Variants in PRKG1 observed in about 807,000 individuals in gnomAD.
The protein encoded by PRKG1 is protein kinase cGMP-dependent 1.
A neutral mutation model predicts 88.1 loss-of-function variants in PRKG1; 35 were observed. The observed-to-expected ratio is 0.40, with a 90% CI of 0.30 to 0.53. PRKG1 has a LOEUF of 0.53. PRKG1 is among the 20% of genes least tolerant of loss of function. The pLI is 0.59. For synonymous variants in PRKG1, 303 were observed against 292.5 expected (o/e 1.04, Z -0.37); for missense variants, 540 against 839.8 (o/e 0.64, Z 4.41).
rs534970692 is a variant in PRKG1, at chr10:51,440,666, A to G, written c.479-27057A>G. Among the ~76,000 whole-genome samples the G allele has an allele frequency of 2.0e-5, 3 of 152,064 alleles. No individual in the cohort carries two copies. In the East Asian group the frequency reaches 5.8e-4, roughly 30 times the overall value. The stretch of plus-strand genomic sequence containing the variant: ...GTTTGTGATCATTATAAATTCTGTC[A>G]TGGTAACTTTAGTGTAGGGTGTTGC... On this transcript the variant is annotated intron_variant, in intron 2 of 17. Coordinates refer to ENST00000373980, the MANE Select transcript of PRKG1 (RefSeq NM_006258.4).
intron 3 of PRKG1, among the ~76,000 whole-genome samples, chr10:51,685,155 G>A (rs1840955422): frequency 6.6e-6 from 1 of 152,114 alleles, no homozygotes; most frequent in Admixed American, 6.5e-5. Context: ...CCTCAGTGTG[G>A]ATACTGTTCG....
chr10:51,427,207 G>C (rs1399419118), intron 2 of PRKG1, among the ~76,000 whole-genome samples: 1 of 152,160 alleles, frequency 6.6e-6, no homozygotes, highest in Non-Finnish European at 1.5e-5. Context: ...GATACAAAAA[G>C]AGAAGAAGGG....
At chr10:51,032,906 C>T (rs1394724981) in intron 1 of PRKG1, among the ~76,000 whole-genome samples, 1 of 151,770 alleles carries the variant, frequency 6.6e-6, no homozygotes, top group Non-Finnish European at 1.5e-5. Flanking sequence ...TTTGGGGGTA[C>T]ATGAGATGTT....
chr10:51,775,112 C>T (rs1178178453), intron 3 of PRKG1, among the ~76,000 whole-genome samples: 1 of 152,034 alleles, frequency 6.6e-6, no homozygotes, highest in Non-Finnish European at 1.5e-5. Context: ...AACTCTATTA[C>T]TTTTGTATTT....
chr10:51,163,228 G>A (rs183475466), intron 2 of PRKG1, among the ~76,000 whole-genome samples: 83 of 152,228 alleles, frequency 5.5e-4, no homozygotes, highest in African/African-American at 1.7e-3. Context: ...TGCTGTTCAC[G>A]GTCTGTGTAG....
intron 5 of PRKG1, among the ~76,000 whole-genome samples, chr10:52,050,969 G>A (rs886713218): frequency 6.6e-6 from 1 of 152,134 alleles, no homozygotes; most frequent in African/African-American, 2.4e-5. Context: ...TGCAGCTGGG[G>A]TTAGGGTGCT....
At chr10:51,079,699 G>GTGTGTGTGTGTGTGTGTGTC (rs1319268195) in intron 1 of PRKG1, among the ~76,000 whole-genome samples, 1 of 151,960 alleles carries the variant, frequency 6.6e-6, no homozygotes, top group Admixed American at 6.6e-5. Flanking sequence ...GTGTGTGTGT[G>GTGTGTGTGTGTGTGTGTGTC]TGTGTTTTAC....
chr10:52,007,360 G>A (rs1015954733), intron 5 of PRKG1, among the ~76,000 whole-genome samples: 1 of 150,094 alleles, frequency 6.7e-6, no homozygotes. Context: ...GAGACCAAAT[G>A]TTATGCTGTC....
rs982948048 is a variant in PRKG1 at position 51,392,585 on chromosome 10, C to T, written c.479-75138C>T. ...TTTCTCAATCTTTTCCCCACCTTTC[C>T]CCCCTTTCTATTCCACAAAACCGCC... On this transcript the variant is annotated intron_variant, in intron 2 of 17. Transcript: ENST00000373980. 5.9e-5 allele frequency among the ~76,000 whole-genome samples: 9 copies of T among 151,792 alleles called. 1 individual carries two copies. The highest frequency in any genetic ancestry group is 1.7e-4 in the African/African-American group (7 of 41,332).
chr10:51,931,833 A>G (rs1225634554), intron 5 of PRKG1, among the ~76,000 whole-genome samples: 1 of 152,228 alleles, frequency 6.6e-6, no homozygotes, highest in Non-Finnish European at 1.5e-5. Context: ...AAATGTAGTT[A>G]TAATTTTTTC....
At chr10:51,448,543 C>A (rs976633187) in intron 2 of PRKG1, among the ~76,000 whole-genome samples, 5 of 152,016 alleles carry the variant, frequency 3.3e-5, no homozygotes, top group Non-Finnish European at 5.9e-5. Context: ...AGAGGCTGAT[C>A]CTTATTCATT....
intron 3 of PRKG1, among the ~76,000 whole-genome samples, chr10:51,501,664 G>C (rs1841026726): frequency 6.6e-6 from 1 of 152,044 alleles, no homozygotes; most frequent in South Asian, 2.1e-4. Flanking sequence ...TTTGTTATTT[G>C]GCAAAAGGGC....
At chr10:52,008,365 A>G (rs768223000) in intron 5 of PRKG1, among the ~76,000 whole-genome samples, 7 of 152,098 alleles carry the variant, frequency 4.6e-5, no homozygotes, top group Non-Finnish European at 8.8e-5. Context: ...AATTAATAAG[A>G]TAGACGACTA....
chr10:51,929,345 C>CT lies in PRKG1; in HGVS notation c.762+21775_762+21776insT, dbSNP rs1564712855. 9.6e-5 allele frequency among the ~76,000 whole-genome samples: 13 copies of CT among 135,000 alleles called. 1 individual carries two copies. Among genetic ancestry groups the CT allele is most frequent in the African/African-American group, 3.4e-4 (13 of 37,746 alleles). 88.6% of individuals were successfully genotyped at this position (135,000 alleles called of 152,430 possible). A position where few individuals can be genotyped will look rare whatever the true frequency, so the allele number is the denominator to read the frequency against. On this transcript the variant is annotated intron_variant, in intron 5 of 17. Transcript: ENST00000373980. The stretch of plus-strand genomic sequence containing the variant: ...TGCCTGACCAACATCTGAATTCCTT[C>CT]CTTTTTTTTTTTTTTTTTTTTTTGA...
chr10:51,914,836 C>G (rs780270560), intron 5 of PRKG1, among the ~76,000 whole-genome samples: 1 of 151,794 alleles, frequency 6.6e-6, no homozygotes, highest in East Asian at 1.9e-4. Context: ...TCTATGGCAC[C>G]GATAAGGTCT....
intron 10 of PRKG1, chr10:52,251,891 G>T: frequency 2.3e-6 from 1 of 438,006 alleles, no homozygotes; most frequent in South Asian, 3.6e-5. Flanking sequence ...TTGCTTTTTA[G>T]AAAACCTCTT....
intron 2 of PRKG1, among the ~76,000 whole-genome samples, chr10:51,399,953 G>T (rs979665871): frequency 6.6e-6 from 1 of 152,122 alleles, no homozygotes; most frequent in African/African-American, 2.4e-5. Flanking sequence ...AGGAGTTCTG[G>T]CTGCATGGCT....
At chr10:52,253,722 A>G (rs1223221643) in intron 10 of PRKG1, among the ~76,000 whole-genome samples, 1 of 151,974 alleles carries the variant, frequency 6.6e-6, no homozygotes, top group Non-Finnish European at 1.5e-5. Context: ...TTTTAGACAG[A>G]TGTTTATATA....
At chr10:51,212,984 T>G (rs1838267086) in intron 2 of PRKG1, among the ~76,000 whole-genome samples, 1 of 152,212 alleles carries the variant, frequency 6.6e-6, no homozygotes, top group African/African-American at 2.4e-5. Flanking sequence ...CAAAGGATTA[T>G]AAATCATGCT....
Sources: gnomAD v4.1 joint callset for allele counts (sites outside exome capture counted in the v4.1 genomes callset) on GRCh38, gnomAD v4.1.1 for gene constraint, MANE v1.5 for transcripts, NCBI Gene and HGNC (gene_info 2026-07-23, HGNC 2026-07-21) for gene names.